RABGEF1: variants seen among roughly 807,000 people sequenced by gnomAD.
The protein encoded by RABGEF1 is RAB guanine nucleotide exchange factor 1.
Under a neutral mutation model 57.3 loss-of-function variants are expected in RABGEF1, and 26 were observed. The ratio of observed to expected loss-of-function variants is 0.45; its 90% confidence interval spans 0.33 to 0.63. The LOEUF is 0.63. Ranked by LOEUF, RABGEF1 falls within the 20% of genes least tolerant of loss-of-function variation. The pLI, the probability that RABGEF1 is intolerant of heterozygous loss-of-function variation, is 0.02. For synonymous variants in RABGEF1, 185 were observed against 210.7 expected, an observed-to-expected ratio of 0.88 and a Z score of 1.06; for missense variants, 464 against 607.6, an observed-to-expected ratio of 0.76 and a Z score of 2.48.
chr7:66,805,382 T>C lies in RABGEF1; in HGVS notation c.1063T>C (p.Tyr355His). 6.2e-7 allele frequency: 1 copy of C among 1,614,170 alleles called. No homozygotes were observed. Among genetic ancestry groups the C allele is most frequent in the Non-Finnish European group, 8.5e-7 (1 of 1,180,036 alleles). ...SRLMTGEDGY[Y>H]FTNLCCAVAF... is the part of the protein sequence containing the mutation. ...ACTGATGACTGGAGAGGATGGCTAC[T>C]ATTTCACCAATCTGGTGAGTAAGTG... Residue 355 changes from tyrosine to histidine, a missense_variant, in exon 8 of 9, where the codon TAT becomes CAT. By Grantham distance (83) the Tyr-to-His change is moderately conservative (BLOSUM62 2). This residue lies in a region of RABGEF1 where 284 missense variants were observed against 389.9 expected (regional missense o/e 0.73). Transcript: ENST00000284957.
chr7:66,665,661 T>C, the RABGEF1 span, among the ~76,000 whole-genome samples: 2 of 152,198 alleles, frequency 1.3e-5, no homozygotes, highest in African/African-American at 4.8e-5. Flanking sequence ...TAGAACATCG[T>C]AGGACTTCGG....
rs369169707 is a variant in RABGEF1 at position 66,805,320 on chromosome 7, A to G, written c.1001A>G (p.Asn334Ser). 2 of 1,614,070 alleles carry G rather than the reference A, an allele frequency of 1.2e-6. No individual in the cohort carries two copies. The highest frequency in any genetic ancestry group is 1.7e-5 in the Admixed American group (1 of 59,992). Residue 334 changes from asparagine (N) to serine (S), a missense_variant, in exon 8 of 9, where the codon AAT (asparagine) becomes AGT (serine). Asn to Ser is a conservative substitution (Grantham distance 46, BLOSUM62 1). This residue lies in a region of RABGEF1 where 284 missense variants were observed against 389.9 expected (regional missense o/e 0.73). Coordinates refer to ENST00000284957, the MANE Select transcript of RABGEF1 (RefSeq NM_014504.3). ...GGCAACCCCCCACGCCTTCAGTCTA[A>G]TATCCAGTATATCACGCGCTTCTGC... ...LKGNPPRLQS[N>S]IQYITRFCNP...
chr7:66,811,338 G>A lies in RABGEF1; in HGVS notation c.*2054G>A, dbSNP rs1448950553. ...TCTCTTAAGTCAGCATCAATACAAC[G>A]GCCGGAGTTTCTGTTTTTGCAATAA... On this transcript the variant is annotated 3_prime_UTR_variant, in exon 9 of 9. Coordinates refer to ENST00000284957, the MANE Select transcript of RABGEF1 (RefSeq NM_014504.3). The A allele has an allele frequency of 2.6e-5, 4 of 152,022 alleles. No individual in the cohort carries two copies. The highest frequency in any genetic ancestry group is 5.9e-5 in the Non-Finnish European group (4 of 68,020). 9.4% of individuals were successfully genotyped at this position (152,022 alleles called of 1,614,324 possible). A position where few individuals can be genotyped will look rare whatever the true frequency, so the allele number is the denominator to read the frequency against.
chr7:66,784,038 G>A (rs1361448063), intron 4 of RABGEF1, among the ~76,000 whole-genome samples, 197 bp downstream of exon 4: 2 of 152,162 alleles, frequency 1.3e-5, no homozygotes, highest in African/African-American at 4.8e-5. Flanking sequence ...GCAACTCAGT[G>A]GTGTTTGGAT....
intron 1 of RABGEF1, among the ~76,000 whole-genome samples, chr7:66,688,322 T>A (rs1791016778): frequency 6.6e-6 from 1 of 152,172 alleles, no homozygotes; most frequent in African/African-American, 2.4e-5. Context: ...TTCACAGTGA[T>A]CATTGGTGAC....
At chr7:66,757,805 G>T (rs1400092929) in intron 1 of RABGEF1, among the ~76,000 whole-genome samples, 1 of 152,076 alleles carries the variant, frequency 6.6e-6, no homozygotes, top group Non-Finnish European at 1.5e-5. Context: ...TAGAGACGGG[G>T]TTTCACCGTG....
Position 66,809,074 on chromosome 7 carries a change from A to T in RABGEF1, c.1266A>T (p.Glu422Asp), listed in dbSNP as rs965625219. The change falls in exon 9 of 9, where the codon GAA (glutamate) becomes GAT (aspartate). Residue 422 changes from glutamate (E) to aspartate (D), a missense_variant. Physicochemically the swap from Glu to Asp is conservative, Grantham distance 45 (BLOSUM62 2). Around this residue, in one of 4 missense-constraint regions of RABGEF1, gnomAD observed 151 missense variants for 152.2 expected, o/e 0.99. Coordinates refer to ENST00000284957, the MANE Select transcript of RABGEF1 (RefSeq NM_014504.3). ...KNLDLLSQLN[E>D]RQERIMNEAK... Reference sequence around the variant, plus strand: ...TGGATCTCTTGTCTCAGTTGAATGAACGACAAGAAAGGATCATGAATGAAG... The same window carrying T: ...TGGATCTCTTGTCTCAGTTGAATGATCGACAAGAAAGGATCATGAATGAAG... 5 of 1,614,070 alleles carry T rather than the reference A, an allele frequency of 3.1e-6. No homozygotes were observed. The highest frequency in any genetic ancestry group is 3.3e-4 in the Middle Eastern group (2 of 6,084).
At chr7:66,771,032 A>G (rs1806982653) in intron 1 of RABGEF1, among the ~76,000 whole-genome samples, 1 of 152,098 alleles carries the variant, frequency 6.6e-6, no homozygotes, top group South Asian at 2.1e-4. Flanking sequence ...TTTAGATATT[A>G]ACCCCTTATT....
At chr7:66,670,320 C>CT in the RABGEF1 span, among the ~76,000 whole-genome samples, 1 of 151,546 alleles carries the variant, frequency 6.6e-6, no homozygotes, top group Non-Finnish European at 1.5e-5. Context: ...CTTACTTAAA[C>CT]TTTTTTGTTT....
In RABGEF1 at chr7:66,741,808, A is replaced by AG. The variant is rs1248650022; in HGVS notation, c.-18+1018dup. ...CGGCCTCCCAGAGTGTTGGGATTAT[A>AG]GGCGTGAGCCATTGCGCGGCTTTAA... On this transcript the variant is annotated intron_variant, in intron 1 of 8. Transcript: ENST00000284957. Among the ~76,000 whole-genome samples, 18 of 152,202 alleles carry AG rather than the reference A, an allele frequency of 1.2e-4. 1 individual carries two copies. Among genetic ancestry groups the AG allele is most frequent in the African/African-American group, 4.3e-4 (18 of 41,524 alleles).
chr7:66,680,092 T>C (rs1200075812), upstream of RABGEF1, among the ~76,000 whole-genome samples: 1 of 152,208 alleles, frequency 6.6e-6, no homozygotes, highest in Non-Finnish European at 1.5e-5. Flanking sequence ...GAGAATGGTG[T>C]GTTGCCTGAT....
At chr7:66,770,039 C>G (rs867488275) in intron 1 of RABGEF1, among the ~76,000 whole-genome samples, 3 of 152,164 alleles carry the variant, frequency 2.0e-5, no homozygotes, top group Non-Finnish European at 4.4e-5. Context: ...GTGAGAATTC[C>G]TATGTCTGTT....
At chr7:66,679,403 G>C (rs1789535336), upstream of RABGEF1, among the ~76,000 whole-genome samples, 1 of 152,066 alleles carries the variant, frequency 6.6e-6, no homozygotes, top group Non-Finnish European at 1.5e-5. Flanking sequence ...CAACCCCCCA[G>C]GCTCATGTGA....
At chr7:66,744,500 C>G (rs1799744827) in intron 1 of RABGEF1, among the ~76,000 whole-genome samples, 1 of 151,738 alleles carries the variant, frequency 6.6e-6, no homozygotes, top group Non-Finnish European at 1.5e-5. Context: ...AACCCTGTCT[C>G]TACTAAAAAT....
intron 2 of RABGEF1, among the ~76,000 whole-genome samples, chr7:66,717,817 C>T (rs1229153338): frequency 6.6e-6 from 1 of 152,052 alleles, no homozygotes; most frequent in African/African-American, 2.4e-5. Flanking sequence ...GCCTTGGCCT[C>T]CCAAAGTGCT....
chr7:66,791,504 A>C (rs551851588), intron 4 of RABGEF1, among the ~76,000 whole-genome samples: 1 of 152,258 alleles, frequency 6.6e-6, no homozygotes, highest in African/African-American at 2.4e-5. Context: ...AAATATGGAC[A>C]TGAAAGCTAA....
intron 7 of RABGEF1, 61 bp downstream of exon 7, chr7:66,799,475 G>A (rs111267836): frequency 9.9e-6 from 13 of 1,315,866 alleles, no homozygotes; most frequent in South Asian, 9.8e-5. Flanking sequence ...ACATTTTACT[G>A]TAATATTCAT....
intron 3 of RABGEF1, among the ~76,000 whole-genome samples, chr7:66,780,648 A>G (rs958083484): frequency 6.6e-6 from 1 of 152,228 alleles, no homozygotes; most frequent in Non-Finnish European, 1.5e-5. Context: ...GAATATTGAA[A>G]TCTCCAAATA....
chr7:66,772,116 T>G, intron 2 of RABGEF1, 38 bp downstream of exon 2: 1 of 1,383,110 alleles, frequency 7.2e-7, no homozygotes, highest in Non-Finnish European at 9.6e-7. Flanking sequence ...AACAGTGACG[T>G]GACTGGATAC....
Sources: gnomAD v4.1 joint callset for allele counts (sites outside exome capture counted in the v4.1 genomes callset) on GRCh38, gnomAD v4.1.1 for gene constraint, gnomAD v4.1.1 regional missense constraint, MANE v1.5 for transcripts, NCBI Gene and HGNC (gene_info 2026-07-23, HGNC 2026-07-21) for gene names.